Variants in IL12RB2 observed in about 807,000 individuals in gnomAD.
The protein encoded by IL12RB2 is interleukin 12 receptor subunit beta 2, also known as interleukin-12 receptor subunit beta-2.
A neutral mutation model predicts 89.4 loss-of-function variants in IL12RB2; 82 were observed. That is an observed-to-expected ratio of 0.92 (90% CI 0.77 to 1.10). The LOEUF is 1.10. Ranked by LOEUF, IL12RB2 falls within the 50% of genes least tolerant of loss-of-function variation. The probability of loss-of-function intolerance (pLI) is 0.00; values close to 1 mark genes in which losing one functional copy is unlikely to be tolerated. For synonymous variants in IL12RB2, 368 were observed against 370.1 expected (o/e 0.99, Z 0.07); for missense variants, 963 against 1,031.9 (o/e 0.93, Z 0.92).
rs1246531443 is a variant in IL12RB2 at position 67,396,322 on chromosome 1, G to A, written c.*233G>A. On this transcript the variant is annotated 3_prime_UTR_variant, in exon 17 of 17. Transcript: ENST00000674203. ...CTTAAAATTACATCCTTCACTGTGT[G>A]GACCTAGAGACTCCAACTTGAATTC... 28 of 591,422 alleles carry A rather than the reference G, an allele frequency of 4.7e-5. No homozygotes were observed. Among genetic ancestry groups the A allele is most frequent in the Non-Finnish European group, 7.3e-5 (24 of 330,366 alleles). The allele number at this position is 591,422 out of a possible 1,614,324, so 36.6% of individuals were successfully genotyped here.
At chr1:67,356,296 A>G (rs143196968) in intron 10 of IL12RB2, among the ~76,000 whole-genome samples, 3 of 152,224 alleles carry the variant, frequency 2.0e-5, no homozygotes, top group African/African-American at 7.2e-5. Context: ...GGAGCTTTCT[A>G]CTTGTTCTCT....
intron 8 of IL12RB2, among the ~76,000 whole-genome samples, chr1:67,331,972 A>G (rs532945832): frequency 6.0e-4 from 92 of 152,218 alleles, no homozygotes; most frequent in Non-Finnish European, 9.7e-4. Context: ...GAGCTTTTGT[A>G]ACATTAACGT....
At chr1:67,329,254 T>C (rs1657736652) in intron 6 of IL12RB2, among the ~76,000 whole-genome samples, 1 of 152,212 alleles carries the variant, frequency 6.6e-6, no homozygotes. Context: ...CTCTGGCTTC[T>C]CAGTCATTGG....
At chr1:67,347,123 G>T (rs900433295) in intron 9 of IL12RB2, among the ~76,000 whole-genome samples, 4 of 152,138 alleles carry the variant, frequency 2.6e-5, no homozygotes, top group Non-Finnish European at 5.9e-5. Context: ...AGGTCATACA[G>T]CTGCTATGTG....
intron 14 of IL12RB2, among the ~76,000 whole-genome samples, chr1:67,381,981 G>C (rs1379363005): frequency 2.0e-5 from 3 of 151,874 alleles, no homozygotes; most frequent in Non-Finnish European, 4.4e-5. Context: ...GCGAGACTCT[G>C]TCTCAAAAAT....
chr1:67,397,962 G>A lies in IL12RB2; in HGVS notation c.*1873G>A, dbSNP rs775218044. ...TTAGGTTTTCCAGATTTCCCTCAGAGCTCTAGAAACTGAGCGATGGACAGT... is the reference window on the plus strand; with the variant it reads ...TTAGGTTTTCCAGATTTCCCTCAGAACTCTAGAAACTGAGCGATGGACAGT... On this transcript the variant is annotated 3_prime_UTR_variant, in exon 17 of 17. Transcript: ENST00000674203. 6.6e-6 allele frequency among the ~76,000 whole-genome samples: 1 copy of A among 152,224 alleles called. No individual in the cohort carries two copies. The highest frequency in any genetic ancestry group is 1.5e-5 in the Non-Finnish European group (1 of 68,038).
chr1:67,320,097 A>T (rs1247696351), intron 2 of IL12RB2, among the ~76,000 whole-genome samples: 3 of 152,184 alleles, frequency 2.0e-5, no homozygotes, highest in African/African-American at 7.2e-5. Context: ...GAACTAAGAC[A>T]TCCAAATTCC....
At chr1:67,328,171 T>C (rs781749200) in intron 5 of IL12RB2, 29 bp from the exon 6 acceptor site, 1 of 1,450,808 alleles carries the variant, frequency 6.9e-7, no homozygotes, top group Non-Finnish European at 9.7e-7. Context: ...TAAAACATGT[T>C]GCTACACGTG....
chr1:67,338,255 G>A (rs1659055833), intron 8 of IL12RB2, among the ~76,000 whole-genome samples: 1 of 148,370 alleles, frequency 6.7e-6, no homozygotes, highest in South Asian at 2.1e-4. Context: ...CTTGAGCCTG[G>A]GAGGTGGAGG....
intron 4 of IL12RB2, among the ~76,000 whole-genome samples, chr1:67,322,679 A>AAGAG (rs1411036445): frequency 3.3e-5 from 5 of 151,722 alleles, no homozygotes; most frequent in African/African-American, 1.2e-4. Flanking sequence ...AAGAGAAAGA[A>AAGAG]GAACTTAACT....
intron 15 of IL12RB2, among the ~76,000 whole-genome samples, chr1:67,389,340 A>AAC (rs373289330): frequency 0.46 from 68,825 of 149,954 alleles, 17,588 homozygotes; most frequent in Non-Finnish European, 0.57. Flanking sequence ...ATACTTTTAA[A>AAC]AAAAAAAAAA....
At chr1:67,373,672 T>C (rs944173394) in intron 13 of IL12RB2, among the ~76,000 whole-genome samples, 1 of 152,276 alleles carries the variant, frequency 6.6e-6, no homozygotes, top group Non-Finnish European at 1.5e-5. Flanking sequence ...CCACACTTGA[T>C]GTTCCAATCT....
chr1:67,390,749 C>T (rs1354708099), intron 16 of IL12RB2, among the ~76,000 whole-genome samples: 2 of 152,064 alleles, frequency 1.3e-5, no homozygotes, highest in Admixed American at 6.6e-5. Flanking sequence ...GCAAGATGGG[C>T]CATCCCTGGT....
chr1:67,341,483 A>G lies in IL12RB2; in HGVS notation c.1038+2780A>G, dbSNP rs950010902. ...GGGAAGGAGGGAAGGAAGGAGAAAG[A>G]GAAAATAGAGAAAGAGAAAGAAGAA... On this transcript the variant is annotated intron_variant, in intron 9 of 16. Transcript: ENST00000674203. 2.0e-4 allele frequency among the ~76,000 whole-genome samples: 14 copies of G among 68,378 alleles called. 1 individual carries two copies. The East Asian group carries it at 7.8e-3, about 38-fold the overall frequency. 44.9% of individuals were successfully genotyped at this position (68,378 alleles called of 152,430 possible).
At chr1:67,366,452 CAAA>C (rs11329710) in intron 10 of IL12RB2, among the ~76,000 whole-genome samples, 3 of 53,390 alleles carry the variant, frequency 5.6e-5, no homozygotes, top group Admixed American at 2.2e-4. Context: ...GACTCCATCT[CAAA>C]AAAAAAAAAA....
At chr1:67,381,765 C>CA (rs61066016) in intron 14 of IL12RB2, among the ~76,000 whole-genome samples, 114 of 123,558 alleles carry the variant, frequency 9.2e-4, no homozygotes, top group East Asian at 1.9e-3. Context: ...GACTATGTTT[C>CA]AAAAAAAAAA....
intron 14 of IL12RB2, 142 bp downstream of exon 14, chr1:67,380,265 TC>T (rs1664435495): frequency 6.1e-6 from 5 of 818,696 alleles, no homozygotes; most frequent in Middle Eastern, 2.3e-4. Context: ...TTGCTGTTTC[TC>T]CTAAATAGAA....
chr1:67,392,485 C>T (rs1419442485), intron 16 of IL12RB2, among the ~76,000 whole-genome samples: 2 of 152,124 alleles, frequency 1.3e-5, no homozygotes, highest in Non-Finnish European at 2.9e-5. Context: ...CATACATCTG[C>T]AGCATGGGCA....
rs780301931 is a variant in IL12RB2 at position 67,338,591 on chromosome 1, T to C, written c.959-33T>C. 59 of 1,032,800 alleles carry C rather than the reference T, an allele frequency of 5.7e-5. No homozygotes were observed. The South Asian group carries it at 7.2e-4, about 13-fold the overall frequency. 64.0% of individuals were successfully genotyped at this position (1,032,800 alleles called of 1,614,324 possible). A position where few individuals can be genotyped will look rare whatever the true frequency, so the allele number is the denominator to read the frequency against. On this transcript the variant is annotated intron_variant, in intron 8 of 16. Coordinates refer to ENST00000674203, the MANE Select transcript of IL12RB2 (RefSeq NM_001374259.2). ...GTTAACTTTCAAAGTAGTAAATATA[T>C]GAAAATATGTCTTTTTTTCTCCTTT...
Sources: gnomAD v4.1 joint callset for allele counts (sites outside exome capture counted in the v4.1 genomes callset) on GRCh38, gnomAD v4.1.1 for gene constraint, MANE v1.5 for transcripts, NCBI Gene and HGNC (gene_info 2026-07-23, HGNC 2026-07-21) for gene names.